The following ESRRG variants were observed in gnomAD, a reference collection of about 807,000 sequenced individuals.
ESRRG encodes the protein estrogen related receptor gamma, also known as estrogen-related receptor gamma.
A neutral mutation model predicts 44.0 loss-of-function variants in ESRRG; 13 were observed. The ratio of observed to expected loss-of-function variants is 0.30; its 90% CI spans 0.19 to 0.47. The LOEUF is 0.47. Ranked by LOEUF, ESRRG falls within the 20% of genes least tolerant of loss-of-function variation. The pLI, the probability that ESRRG is intolerant of heterozygous loss-of-function variation, is 1.00. For synonymous variants in ESRRG, 215 were observed against 214.6 expected, an observed-to-expected ratio of 1.00 and a Z score of -0.02; for missense variants, 395 against 580.6, an observed-to-expected ratio of 0.68 and a Z score of 3.29.
intron 2 of ESRRG, among the ~76,000 whole-genome samples, chr1:216,892,473 A>G (rs916464988): frequency 3.3e-5 from 5 of 152,152 alleles, no homozygotes; most frequent in African/African-American, 9.7e-5. Context: ...ACTAGCCTCT[A>G]TGTAACAAAA....
At chr1:216,758,832 A>G (rs1162678966) in intron 2 of ESRRG, among the ~76,000 whole-genome samples, 2 of 152,086 alleles carry the variant, frequency 1.3e-5, no homozygotes, top group Admixed American at 1.3e-4. Flanking sequence ...AATTAGGCTT[A>G]ATCACTAGTA....
At chr1:216,823,834 T>G (rs2095343522) in intron 2 of ESRRG, among the ~76,000 whole-genome samples, 1 of 152,144 alleles carries the variant, frequency 6.6e-6, no homozygotes. Flanking sequence ...GCCTATGATT[T>G]TATAACTTAT....
intron 5 of ESRRG, among the ~76,000 whole-genome samples, chr1:216,555,242 G>A (rs2057285215): frequency 6.6e-6 from 1 of 152,106 alleles, no homozygotes; most frequent in Non-Finnish European, 1.5e-5. Context: ...TCTCTACTGA[G>A]GTTTGTGATC....
At chr1:216,577,208 T>C (rs938697243) in intron 3 of ESRRG, among the ~76,000 whole-genome samples, 5 of 151,850 alleles carry the variant, frequency 3.3e-5, no homozygotes, top group South Asian at 4.2e-4. Context: ...AGAAGATGCT[T>C]GGCCTGCATT....
intron 3 of ESRRG, among the ~76,000 whole-genome samples, chr1:216,588,773 TAAG>T (rs1171570983): frequency 2.0e-5 from 3 of 152,114 alleles, no homozygotes; most frequent in Non-Finnish European, 2.9e-5. Context: ...AATTTTTTAA[TAAG>T]AAGAAATAGA....
intron 1 of ESRRG, among the ~76,000 whole-genome samples, chr1:217,100,384 A>T (rs1441220602): frequency 6.6e-6 from 1 of 152,144 alleles, no homozygotes; most frequent in Non-Finnish European, 1.5e-5. Context: ...ATGATGGATC[A>T]CCCCAGGTGA....
chr1:216,718,299 A>T lies in ESRRG; in HGVS notation c.56+4945T>A, dbSNP rs535857039. Among the ~76,000 whole-genome samples the T allele has an allele frequency of 2.0e-4, 30 of 152,046 alleles. 1 individual carries two copies. Among genetic ancestry groups the T allele is most frequent in the African/African-American group, 7.2e-4 (30 of 41,558 alleles). ...CAGCATACCTATAATCTACGTATAC[A>T]TTACCTCTTCCCACATACATGCATA... On this transcript the variant is annotated intron_variant, in intron 1 of 6. Transcript: ENST00000408911.
At chr1:216,772,441 T>C (rs2093422696) in intron 2 of ESRRG, among the ~76,000 whole-genome samples, 1 of 152,090 alleles carries the variant, frequency 6.6e-6, no homozygotes, top group Non-Finnish European at 1.5e-5. Context: ...TTTAAAAACT[T>C]CTAGATGTAT....
At chr1:216,743,453 A>G (rs1458603037) in intron 2 of ESRRG, among the ~76,000 whole-genome samples, 1 of 152,236 alleles carries the variant, frequency 6.6e-6, no homozygotes, top group Non-Finnish European at 1.5e-5. Flanking sequence ...ATATTAAAAA[A>G]TATAAAAGTA....
chr1:216,544,002 T>C (rs2053695129), intron 5 of ESRRG, among the ~76,000 whole-genome samples: 1 of 152,038 alleles, frequency 6.6e-6, no homozygotes, highest in African/African-American at 2.4e-5. Flanking sequence ...AGGAGGCAAA[T>C]GTTCATACAG....
chr1:216,607,211 C>A (rs1243518488), intron 3 of ESRRG, among the ~76,000 whole-genome samples: 1 of 152,106 alleles, frequency 6.6e-6, no homozygotes, highest in Admixed American at 6.5e-5. Context: ...GAATGCTGAC[C>A]ACAATCCCTA....
At chr1:216,569,020 C>T (rs1046560000) in intron 3 of ESRRG, among the ~76,000 whole-genome samples, 1 of 150,708 alleles carries the variant, frequency 6.6e-6, no homozygotes, top group African/African-American at 2.5e-5. Context: ...TGCCATTGCA[C>T]TCCAGCCTGG....
chr1:216,687,343 G>A (rs964439105), intron 1 of ESRRG, among the ~76,000 whole-genome samples: 19 of 152,096 alleles, frequency 1.2e-4, no homozygotes, highest in African/African-American at 4.1e-4. Context: ...CCCAGTGTGC[G>A]ACACCACGCT....
At chr1:217,105,731 C>T (rs2092584037) in intron 1 of ESRRG, among the ~76,000 whole-genome samples, 1 of 152,160 alleles carries the variant, frequency 6.6e-6, no homozygotes, top group Non-Finnish European at 1.5e-5. Flanking sequence ...CCCCATTCTG[C>T]ACCTGGACAA....
At chr1:217,085,338 A>G (rs2092010899) in intron 1 of ESRRG, among the ~76,000 whole-genome samples, 2 of 152,170 alleles carry the variant, frequency 1.3e-5, no homozygotes, top group South Asian at 4.1e-4. Flanking sequence ...ATCTCTTAAA[A>G]GAAGGCCCCG....
chr1:216,972,219 G>A (rs965849129), intron 1 of ESRRG, among the ~76,000 whole-genome samples: 3 of 152,142 alleles, frequency 2.0e-5, no homozygotes, highest in African/African-American at 7.2e-5. Context: ...TAAAAAGATG[G>A]CAACTGTGAT....
intron 2 of ESRRG, among the ~76,000 whole-genome samples, chr1:216,759,683 T>C (rs1388008953): frequency 6.6e-6 from 1 of 152,100 alleles, no homozygotes; most frequent in Non-Finnish European, 1.5e-5. Context: ...TCCCAAGCAC[T>C]AGGTAGGCAC....
intron 2 of ESRRG, among the ~76,000 whole-genome samples, chr1:216,812,206 C>G (rs930491751): frequency 6.6e-6 from 1 of 152,096 alleles, no homozygotes; most frequent in African/African-American, 2.4e-5. Flanking sequence ...TAAAGAGTTA[C>G]TATATAAAAT....
chr1:216,757,032 A>G (rs2092485762), intron 2 of ESRRG, among the ~76,000 whole-genome samples: 2 of 151,872 alleles, frequency 1.3e-5, no homozygotes, highest in South Asian at 4.2e-4. Flanking sequence ...TCTCCTCATA[A>G]AGGCATTTCC....
Sources: gnomAD v4.1 joint callset for allele counts (sites outside exome capture counted in the v4.1 genomes callset) on GRCh38, gnomAD v4.1.1 for gene constraint, MANE v1.5 for transcripts, NCBI Gene and HGNC (gene_info 2026-07-23, HGNC 2026-07-21) for gene names.